Variants in KIF1A observed in about 807,000 individuals in gnomAD.
KIF1A encodes kinesin-like protein KIF1A.
Under a neutral mutation model 227.3 loss-of-function variants are expected in KIF1A, and 46 were observed. The observed-to-expected ratio is 0.20, with a 90% CI of 0.16 to 0.26. The LOEUF is 0.26. Ranked by LOEUF, KIF1A falls within the 10% of genes least tolerant of loss-of-function variation. KIF1A has a pLI of 1.00. For synonymous variants in KIF1A, 1,022 were observed against 1,012.8 expected (o/e 1.01, Z -0.17); for missense variants, 1,683 against 2,485.9 (o/e 0.68, Z 6.87).
At position 240,747,440 on chromosome 2, in the gene KIF1A, C is replaced by T. The variant is rs2048737209; in HGVS notation, c.2978-119G>A. Reference sequence around the variant, plus strand: ...AGGGCACAGGAGCCAGAGCAGGCAGCAGACCCCTGACCGAATCTGCCACCC... The same window carrying T: ...AGGGCACAGGAGCCAGAGCAGGCAGTAGACCCCTGACCGAATCTGCCACCC... On this transcript the variant is annotated intron_variant, in intron 28 of 48. Coordinates refer to ENST00000498729, the MANE Select transcript of KIF1A (RefSeq NM_001244008.2). The T allele has an allele frequency of 2.1e-5, 15 of 701,692 alleles. No homozygotes were observed. The Admixed American group carries it at 3.5e-4, about 16-fold the overall frequency. 43.5% of individuals were successfully genotyped at this position (701,692 alleles called of 1,614,324 possible).
chr2:240,796,086 A>G (rs780568199), intron 2 of KIF1A, among the ~76,000 whole-genome samples: 21 of 152,132 alleles, frequency 1.4e-4, no homozygotes, highest in Non-Finnish European at 2.1e-4. Flanking sequence ...AGCCTGTTGG[A>G]GCGTGGAACA....
chr2:240,817,721 C>G (rs983758492), intron 1 of KIF1A, among the ~76,000 whole-genome samples: 2 of 152,310 alleles, frequency 1.3e-5, no homozygotes, highest in Admixed American at 6.5e-5. Flanking sequence ...TTGGCCGGCC[C>G]GGCTGAGTGG....
chr2:240,746,292 C>T, intron 29 of KIF1A, 115 bp from the exon 30 acceptor site: 2 of 1,268,626 alleles, frequency 1.6e-6, no homozygotes, highest in Non-Finnish European at 2.2e-6. Context: ...GGGCTGGGGC[C>T]TCCATGAACC....
At chr2:240,799,636 T>A (rs1259474900) in intron 1 of KIF1A, among the ~76,000 whole-genome samples, 1 of 152,212 alleles carries the variant, frequency 6.6e-6, no homozygotes, top group Non-Finnish European at 1.5e-5. Flanking sequence ...TGAAAATCCC[T>A]GCACTTTTAA....
chr2:240,779,151 CACAG>C (rs2053199203), intron 10 of KIF1A, among the ~76,000 whole-genome samples: 1 of 149,980 alleles, frequency 6.7e-6, no homozygotes. Flanking sequence ...CACAGTTCCA[CACAG>C]TTCCACACTC....
intron 38 of KIF1A, chr2:240,734,745 C>T (rs1022345232): frequency 7.7e-7 from 1 of 1,304,642 alleles, no homozygotes; most frequent in African/African-American, 1.5e-5. Flanking sequence ...CAAGAAACTG[C>T]CTGCAAAACA....
intron 1 of KIF1A, among the ~76,000 whole-genome samples, chr2:240,816,149 A>AGT (rs71282124): frequency 0.012 from 1,825 of 150,498 alleles, 29 homozygotes; most frequent in African/African-American, 0.036. Context: ...AGGGATGCAG[A>AGT]GTGTGTGTGT....
At chr2:240,721,159 A>ACCAG in intron 44 of KIF1A, 121 bp from the exon 45 acceptor site, 2 of 1,310,070 alleles carry the variant, frequency 1.5e-6, no homozygotes, top group Non-Finnish European at 2.1e-6. Flanking sequence ...CACCCCTCCT[A>ACCAG]CCAGCAGCCT....
At chr2:240,754,185 G>A (rs1263495458) in intron 27 of KIF1A, among the ~76,000 whole-genome samples, 2 of 152,180 alleles carry the variant, frequency 1.3e-5, no homozygotes, top group Non-Finnish European at 2.9e-5. Flanking sequence ...TGGGGGTGGG[G>A]CCCCGAGGGA....
chr2:240,759,266 G>A (rs1426461568), intron 25 of KIF1A, among the ~76,000 whole-genome samples: 3 of 152,058 alleles, frequency 2.0e-5, no homozygotes, highest in African/African-American at 7.2e-5. Context: ...TGCAGGCTGG[G>A]GAGGGCTGCC....
Position 240,757,213 on chromosome 2 carries a change from C to T in KIF1A, c.2858+106G>A. 8.3e-7 allele frequency: 1 copy of T among 1,211,558 alleles called. No homozygotes were observed. Among genetic ancestry groups the T allele is most frequent in the Non-Finnish European group, 1.2e-6 (1 of 861,638 alleles). The allele number at this position is 1,211,558 out of a possible 1,614,324, so 75.1% of individuals were successfully genotyped here. ...AGCCCCTCCACCTGCCTCGCCTGCCCTGGGAGGGCCCGGGCCAGGCCCCAG... is the reference window on the plus strand; with the variant it reads ...AGCCCCTCCACCTGCCTCGCCTGCCTTGGGAGGGCCCGGGCCAGGCCCCAG... On this transcript the variant is annotated intron_variant, in intron 27 of 48. Transcript: ENST00000498729. The surrounding 1 kb of genome is among the most constrained non-coding windows in gnomAD (Gnocchi z 6.2).
At chr2:240,768,557 T>C (rs2051503893) in intron 17 of KIF1A, among the ~76,000 whole-genome samples, 1 of 152,196 alleles carries the variant, frequency 6.6e-6, no homozygotes, top group African/African-American at 2.4e-5. Flanking sequence ...GTGTGTGTCA[T>C]GCCCCACCTG....
intron 10 of KIF1A, chr2:240,781,777 G>A: frequency 1.0e-6 from 1 of 981,616 alleles, no homozygotes; most frequent in Middle Eastern, 5.2e-4. Context: ...GGGGCCCTCA[G>A]CTTCCTCGCC....
Position 240,808,497 on chromosome 2 carries a change from CAAA to C in KIF1A, c.-60-10688_-60-10686del, listed in dbSNP as rs11302292. ...AACATAGCAAGACCCATTTCTAAAA[CAAA>C]AAAAAAAAATTTTTTTTTTTTAATT... On this transcript the variant is annotated intron_variant, in intron 1 of 48. Transcript: ENST00000498729. Among the ~76,000 whole-genome samples, 79 of 67,890 alleles carry C rather than the reference CAAA, an allele frequency of 1.2e-3. 1 individual carries two copies. Among genetic ancestry groups the C allele is most frequent in the East Asian group, 4.2e-3 (10 of 2,362 alleles). The allele number at this position is 67,890 out of a possible 152,430, so 44.5% of individuals were successfully genotyped here.
At chr2:240,735,780 G>C (rs747877014) in intron 38 of KIF1A, among the ~76,000 whole-genome samples, 1 of 152,036 alleles carries the variant, frequency 6.6e-6, no homozygotes, top group Admixed American at 6.5e-5. Flanking sequence ...CCCAAGCCCC[G>C]GCCCGTCCCA....
In KIF1A at chr2:240,719,082, T is replaced by A. The variant is rs2044935715; in HGVS notation, c.5138A>T (p.Asp1713Val). 1.2e-6 allele frequency: 2 copies of A among 1,612,566 alleles called. No homozygotes were observed. The highest frequency in any genetic ancestry group is 2.7e-5 in the African/African-American group (2 of 74,910). The change falls in exon 47 of 49, where the codon GAC (aspartate) becomes GTC (valine). Residue 1713 changes from aspartate to valine, a missense_variant. Asp to Val is a radical substitution (Grantham distance 152). This residue lies in a region of KIF1A where 384 missense variants were observed against 410.1 expected (regional missense o/e 0.94). Transcript: ENST00000498729. ...GTTGAGCACGAACCGCTCCACGGTG[T>A]CCTTGTCGCTGTTGTACATGTAGGC... The part of the protein sequence containing the change: ...PYAYMYNSDK[D>V]TVERFVLNLA...
intron 2 of KIF1A, among the ~76,000 whole-genome samples, chr2:240,791,800 T>C (rs2055739157): frequency 6.6e-6 from 1 of 152,106 alleles, no homozygotes; most frequent in East Asian, 1.9e-4. Context: ...TGGGGCTCAG[T>C]TGCAGCTGTA....
chr2:240,747,669 C>T (rs2048764842), intron 28 of KIF1A, among the ~76,000 whole-genome samples: 1 of 152,220 alleles, frequency 6.6e-6, no homozygotes, highest in Admixed American at 6.5e-5. Flanking sequence ...GAGACCACCC[C>T]ACCAGCCCTG....
intron 38 of KIF1A, among the ~76,000 whole-genome samples, chr2:240,735,037 TGGCACAGGAAG>T (rs2047166924): frequency 6.6e-6 from 1 of 152,258 alleles, no homozygotes; most frequent in South Asian, 2.1e-4. Context: ...GCACCGTCCA[TGGCACAGGAAG>T]GCCCACTGGC....
Sources: allele counts gnomAD v4.1 joint callset (sites outside exome capture counted in the v4.1 genomes callset), GRCh38; gene constraint gnomAD v4.1.1; regional missense constraint gnomAD v4.1.1; non-coding constraint Gnocchi (gnomAD v3.1); transcripts MANE v1.5; gene names NCBI Gene and HGNC (gene_info 2026-07-23, HGNC 2026-07-21).